Variants in ANKRD31 observed in about 807,000 individuals in gnomAD.
ANKRD31 encodes the protein ankyrin repeat domain-containing protein 31.
Under a neutral mutation model 186.0 loss-of-function variants are expected in ANKRD31, and 147 were observed. The ratio of observed to expected loss-of-function variants is 0.79; its 90% confidence interval spans 0.69 to 0.91. ANKRD31 has a LOEUF of 0.91. Among genes scored for constraint, ANKRD31 ranks in the 40% least tolerant of loss-of-function variants. The pLI is 0.00. For missense variants in ANKRD31, 1,986 were observed against 2,148.8 expected (o/e 0.92, Z 1.50); for synonymous variants, 673 against 736.4 (o/e 0.91, Z 1.39).
At chr5:75,145,506 ATG>A in intron 14 of ANKRD31, among the ~76,000 whole-genome samples, 1 of 152,188 alleles carries the variant, frequency 6.6e-6, no homozygotes, top group East Asian at 1.9e-4. Flanking sequence ...CAGACACCAC[ATG>A]TTCTCACTCA....
chr5:75,203,054 C>A (rs545448497), intron 5 of ANKRD31, among the ~76,000 whole-genome samples: 1 of 152,302 alleles, frequency 6.6e-6, no homozygotes, highest in South Asian at 2.1e-4. Context: ...CCAAGGGATC[C>A]CCCCAACTCA....
At chr5:75,159,992 A>T (rs1047722468) in intron 11 of ANKRD31, among the ~76,000 whole-genome samples, 33 of 152,124 alleles carry the variant, frequency 2.2e-4, no homozygotes, top group Non-Finnish European at 1.2e-4. Flanking sequence ...TAAAACAATG[A>T]TACCAGTTGG....
intron 6 of ANKRD31, among the ~76,000 whole-genome samples, chr5:75,198,291 C>CT (rs902211155): frequency 3.9e-5 from 6 of 152,188 alleles, no homozygotes; most frequent in East Asian, 1.9e-4. Flanking sequence ...ACAATAAAGC[C>CT]TTTTTTTCCC....
chr5:75,222,435 C>A, intron 2 of ANKRD31, 77 bp from the exon 3 acceptor site: 1 of 984,006 alleles, frequency 1.0e-6, no homozygotes, highest in Non-Finnish European at 1.5e-6. Context: ...TAATTTTATA[C>A]GCATGCAAAA....
intron 10 of ANKRD31, among the ~76,000 whole-genome samples, chr5:75,177,208 A>G (rs575808882): frequency 5.3e-5 from 8 of 152,224 alleles, no homozygotes; most frequent in Non-Finnish European, 1.2e-4. Context: ...AAATGAACAA[A>G]GCCTCCAAGA....
At chr5:75,172,518 T>C (rs1035795812) in intron 10 of ANKRD31, among the ~76,000 whole-genome samples, 1 of 151,740 alleles carries the variant, frequency 6.6e-6, no homozygotes. Flanking sequence ...AAAAGAGAGA[T>C]GAATCAAATA....
intron 22 of ANKRD31, among the ~76,000 whole-genome samples, chr5:75,102,250 T>C (rs1256367396): frequency 2.6e-5 from 4 of 152,344 alleles, no homozygotes; most frequent in Non-Finnish European, 4.4e-5. Context: ...GAGCAGCCAA[T>C]ACTGCAGAAC....
chr5:75,143,710 T>G (rs963165790), intron 15 of ANKRD31, among the ~76,000 whole-genome samples: 1 of 152,130 alleles, frequency 6.6e-6, no homozygotes, highest in Non-Finnish European at 1.5e-5. Context: ...TCTGATACAT[T>G]TCACGCCTGC....
At chr5:75,176,002 G>T (rs1753766333) in intron 10 of ANKRD31, among the ~76,000 whole-genome samples, 1 of 152,150 alleles carries the variant, frequency 6.6e-6, no homozygotes, top group Non-Finnish European at 1.5e-5. Flanking sequence ...AAGGGTGACA[G>T]ACGGCACCTG....
At chr5:75,078,941 A>C (rs1178351755) in intron 25 of ANKRD31, among the ~76,000 whole-genome samples, 1 of 152,220 alleles carries the variant, frequency 6.6e-6, no homozygotes, top group African/African-American at 2.4e-5. Flanking sequence ...TAAAACTTAA[A>C]AGGACTTGTA....
At chr5:75,095,421 T>C (rs533587272) in intron 22 of ANKRD31, among the ~76,000 whole-genome samples, 149 of 150,844 alleles carry the variant, frequency 9.9e-4, no homozygotes, top group African/African-American at 3.3e-3. Context: ...TTGCAGTGAG[T>C]GGAGATCAGA....
chr5:75,154,380 T>C (rs1306699113), intron 11 of ANKRD31, 35 bp from the exon 12 acceptor site: 10 of 1,509,392 alleles, frequency 6.6e-6, no homozygotes, highest in Non-Finnish European at 8.8e-6. Flanking sequence ...GGAACCCAGA[T>C]TGAGGGTGTA....
At chr5:75,127,354 C>G (rs1749338162) in intron 17 of ANKRD31, among the ~76,000 whole-genome samples, 1 of 152,014 alleles carries the variant, frequency 6.6e-6, no homozygotes, top group African/African-American at 2.4e-5. Flanking sequence ...GTTGTCACAA[C>G]TAGAGGATAT....
intron 10 of ANKRD31, among the ~76,000 whole-genome samples, chr5:75,176,550 T>A (rs1243090022): frequency 6.6e-6 from 1 of 152,062 alleles, no homozygotes; most frequent in Non-Finnish European, 1.5e-5. Context: ...AGAGGAACAA[T>A]CAGGCAGCAG....
chr5:75,135,375 GACAA>G (rs1266185317), intron 17 of ANKRD31, among the ~76,000 whole-genome samples: 2 of 152,128 alleles, frequency 1.3e-5, no homozygotes, highest in African/African-American at 2.4e-5. Context: ...ACCAATAACA[GACAA>G]ACAGAGAGCC....
chr5:75,098,027 T>C (rs970768294), intron 22 of ANKRD31, among the ~76,000 whole-genome samples: 1 of 144,330 alleles, frequency 6.9e-6, no homozygotes, highest in African/African-American at 2.7e-5. Flanking sequence ...TATATCTCTG[T>C]TTTTTTTTTT....
intron 11 of ANKRD31, among the ~76,000 whole-genome samples, chr5:75,165,480 A>G (rs1354138860): frequency 1.3e-5 from 2 of 152,218 alleles, no homozygotes; most frequent in Non-Finnish European, 2.9e-5. Context: ...GTAGAGAACG[A>G]AAGTTAAGCA....
intron 10 of ANKRD31, among the ~76,000 whole-genome samples, chr5:75,184,900 T>C (rs1157827688): frequency 6.6e-6 from 1 of 152,130 alleles, no homozygotes; most frequent in African/African-American, 2.4e-5. Flanking sequence ...CAAAGATATA[T>C]CTAAATTCCC....
intron 9 of ANKRD31, among the ~76,000 whole-genome samples, chr5:75,189,233 G>A (rs181326304): frequency 6.6e-6 from 1 of 152,240 alleles, no homozygotes; most frequent in Admixed American, 6.5e-5. Flanking sequence ...AGAAATGCAC[G>A]ATTAAAATAC....
Sources: gnomAD v4.1 joint callset for allele counts (sites outside exome capture counted in the v4.1 genomes callset) on GRCh38, gnomAD v4.1.1 for gene constraint, MANE v1.5 for transcripts, NCBI Gene and HGNC (gene_info 2026-07-23, HGNC 2026-07-21) for gene names.